UEVLD: variants seen among roughly 807,000 people sequenced by gnomAD.
UEVLD encodes ubiquitin-conjugating enzyme E2 variant 3.
Under a neutral mutation model 58.6 loss-of-function variants are expected in UEVLD, and 47 were observed. The ratio of observed to expected loss-of-function variants is 0.80; its 90% confidence interval spans 0.63 to 1.02. The LOEUF is 1.02. Ranked by LOEUF, UEVLD falls within the 50% of genes least tolerant of loss-of-function variation. The pLI, the probability that UEVLD is intolerant of heterozygous loss-of-function variation, is 0.00. For synonymous variants in UEVLD, 197 were observed against 195.3 expected, an observed-to-expected ratio of 1.01 and a Z score of -0.07; for missense variants, 510 against 550.6, an observed-to-expected ratio of 0.93 and a Z score of 0.74.
chr11:18,547,409 C>T (rs1246457768), intron 7 of UEVLD, among the ~76,000 whole-genome samples: 1 of 152,116 alleles, frequency 6.6e-6, no homozygotes, highest in African/African-American at 2.4e-5. Context: ...ACTGTAGTCT[C>T]AGCTACTCAG....
At chr11:18,564,470 T>C (rs1243773547) in intron 6 of UEVLD, among the ~76,000 whole-genome samples, 5 of 151,872 alleles carry the variant, frequency 3.3e-5, no homozygotes, top group Non-Finnish European at 7.4e-5. Context: ...TAAACTAGTA[T>C]TAAATATCAA....
chr11:18,560,128 CACACACACACAGAGAG>C (rs1851959681), intron 6 of UEVLD, among the ~76,000 whole-genome samples: 1 of 88,098 alleles, frequency 1.1e-5, no homozygotes, highest in African/African-American at 4.8e-5. Context: ...CACACACACA[CACACACACACAGAGAG>C]AGAAAGAAAA....
chr11:18,568,933 C>T (rs969255110), intron 4 of UEVLD, among the ~76,000 whole-genome samples: 7 of 152,026 alleles, frequency 4.6e-5, no homozygotes, highest in Middle Eastern at 3.4e-3. Flanking sequence ...CTCGCTCTGT[C>T]GCCCAGGCTG....
rs1053506649 is a variant in UEVLD, at chr11:18,556,116, C to T, written c.715+2112G>A. On this transcript the variant is annotated intron_variant, in intron 7 of 11. Coordinates refer to ENST00000396197, the MANE Select transcript of UEVLD (RefSeq NM_001040697.4). ...CCAAGGATTCTAGTCTTTCAATTAT[C>T]TGAAGCAATACCTATTGATGGTTGA... 7.0e-4 allele frequency among the ~76,000 whole-genome samples: 106 copies of T among 152,324 alleles called. 1 individual carries two copies. Among genetic ancestry groups the T allele is most frequent in the Non-Finnish European group, 2.9e-5 (2 of 68,036 alleles).
At position 18,566,215 on chromosome 11, in the gene UEVLD, C is replaced by A. The variant is rs1230360259; in HGVS notation, c.493+132G>T. The A allele has an allele frequency of 1.2e-5, 16 of 1,338,494 alleles. No individual in the cohort carries two copies. The South Asian group carries it at 1.4e-4, about 12-fold the overall frequency. The allele number at this position is 1,338,494 out of a possible 1,614,324, so 82.9% of individuals were successfully genotyped here. On this transcript the variant is annotated intron_variant, in intron 5 of 11. Coordinates refer to ENST00000396197, the MANE Select transcript of UEVLD (RefSeq NM_001040697.4). Reference sequence around the variant, plus strand: ...CGCCTGGCCTGAGGCACAGGAATTTCTTATTTCAAAAACAGATGTACATAC... The same window carrying A: ...CGCCTGGCCTGAGGCACAGGAATTTATTATTTCAAAAACAGATGTACATAC...
At chr11:18,580,777 A>G (rs530528789) in intron 1 of UEVLD, among the ~76,000 whole-genome samples, 2 of 152,316 alleles carry the variant, frequency 1.3e-5, no homozygotes, top group East Asian at 3.9e-4. Flanking sequence ...ACTAGTGGAA[A>G]CCTAGGATTG....
chr11:18,573,021 A>C (rs1852709369), intron 3 of UEVLD, among the ~76,000 whole-genome samples: 1 of 152,220 alleles, frequency 6.6e-6, no homozygotes, highest in South Asian at 2.1e-4. Flanking sequence ...ATTAGTGTGC[A>C]TTCACACTGA....
At chr11:18,533,377 T>TAA (rs766063552) in intron 11 of UEVLD, among the ~76,000 whole-genome samples, 12 of 132,750 alleles carry the variant, frequency 9.0e-5, no homozygotes, top group African/African-American at 3.3e-4. Flanking sequence ...AGATCAACTT[T>TAA]AAAAAAAAAA....
rs540747904 is a variant in UEVLD at position 18,565,668 on chromosome 11, A to C, written c.494-658T>G. On this transcript the variant is annotated intron_variant, in intron 5 of 11. Transcript: ENST00000396197. ...ACATGGCAAAACCTCATTCTTATCA[A>C]AAATACAAAAATTGGCTGGGCATGC... is the stretch of plus-strand genomic sequence containing the variant. Among the ~76,000 whole-genome samples the C allele has an allele frequency of 1.3e-3, 192 of 152,158 alleles. 2 individuals carry two copies. The highest frequency in any genetic ancestry group is 4.3e-3 in the African/African-American group (178 of 41,536).
intron 3 of UEVLD, among the ~76,000 whole-genome samples, chr11:18,573,596 C>T (rs1458653959): frequency 1.3e-5 from 2 of 152,182 alleles, no homozygotes; most frequent in Admixed American, 6.5e-5. Flanking sequence ...TGCATGGATC[C>T]CATGGCTAGC....
At chr11:18,533,983 G>C (rs1331004962) in intron 11 of UEVLD, among the ~76,000 whole-genome samples, 1 of 152,188 alleles carries the variant, frequency 6.6e-6, no homozygotes, top group East Asian at 1.9e-4. Context: ...GGGATTCGCT[G>C]TGTTGTCCAT....
In UEVLD at chr11:18,588,697, G is replaced by C. The variant is rs754173551; in HGVS notation, c.-43C>G. 4.3e-5 allele frequency: 68 copies of C among 1,597,416 alleles called. No individual in the cohort carries two copies. In the Middle Eastern group the frequency reaches 9.9e-4, roughly 23 times the overall value. On this transcript the variant is annotated 5_prime_UTR_variant, in exon 1 of 12. Coordinates refer to ENST00000396197, the MANE Select transcript of UEVLD (RefSeq NM_001040697.4). Reference sequence around the variant, plus strand: ...GCTAGGTCCCAGGACTCCAGCCCCCGGACCTTCTTCCGGACTTGCTGCAGG... The same window carrying C: ...GCTAGGTCCCAGGACTCCAGCCCCCCGACCTTCTTCCGGACTTGCTGCAGG...
chr11:18,586,783 T>C (rs1237371891), intron 1 of UEVLD, among the ~76,000 whole-genome samples: 1 of 152,130 alleles, frequency 6.6e-6, no homozygotes, highest in Non-Finnish European at 1.5e-5. Context: ...TTCTGATTGG[T>C]TTCCTTAATT....
At chr11:18,570,399 T>C in intron 3 of UEVLD, 22 bp from the exon 4 acceptor site, 1 of 1,500,624 alleles carries the variant, frequency 6.7e-7, no homozygotes, top group Non-Finnish European at 8.9e-7. Context: ...AAAAGAAACA[T>C]ATCTTCAAAC....
chr11:18,552,641 C>T (rs1430690138), intron 7 of UEVLD, among the ~76,000 whole-genome samples: 1 of 152,024 alleles, frequency 6.6e-6, no homozygotes, highest in Non-Finnish European at 1.5e-5. Context: ...GTGGGCGGAT[C>T]ACCTGAGGTT....
Position 18,548,273 on chromosome 11 carries a change from C to T in UEVLD, c.716-1223G>A, listed in dbSNP as rs138496715. ...TTTTACAGTAAGTACATGCCCAAAC[C>T]GTGGCCAGATGTTACCAACATCAGA... is the stretch of plus-strand genomic sequence containing the variant. On this transcript the variant is annotated intron_variant, in intron 7 of 11. Coordinates refer to ENST00000396197, the MANE Select transcript of UEVLD (RefSeq NM_001040697.4). Among the ~76,000 whole-genome samples, 21 of 152,230 alleles carry T rather than the reference C, an allele frequency of 1.4e-4. No individual in the cohort carries two copies. In the East Asian group the frequency reaches 3.1e-3, roughly 22 times the overall value.
At chr11:18,549,779 C>T (rs566618272) in intron 7 of UEVLD, among the ~76,000 whole-genome samples, 1 of 151,916 alleles carries the variant, frequency 6.6e-6, no homozygotes, top group Non-Finnish European at 1.5e-5. Context: ...TCCCATCAAG[C>T]TCTCGGGCCT....
intron 6 of UEVLD, among the ~76,000 whole-genome samples, chr11:18,564,443 A>T (rs940864843): frequency 6.6e-6 from 1 of 152,220 alleles, no homozygotes; most frequent in African/African-American, 2.4e-5. Flanking sequence ...AAAAGGACTG[A>T]TGAAAAAAAC....
chr11:18,557,388 G>A (rs1026151276), intron 7 of UEVLD, among the ~76,000 whole-genome samples: 2 of 151,988 alleles, frequency 1.3e-5, no homozygotes, highest in African/African-American at 4.8e-5. Context: ...TCCCGACCTC[G>A]TGATCTGCCT....
Sources: gnomAD v4.1 joint callset for allele counts (sites outside exome capture counted in the v4.1 genomes callset) on GRCh38, gnomAD v4.1.1 for gene constraint, MANE v1.5 for transcripts, NCBI Gene and HGNC (gene_info 2026-07-23, HGNC 2026-07-21) for gene names.